The following FRMD4A variants were observed in gnomAD, a reference collection of about 807,000 sequenced individuals.
FRMD4A encodes FERM domain-containing protein 4A.
In FRMD4A, 29 loss-of-function variants were observed where a neutral mutation model predicts 129.1. That is an observed-to-expected ratio of 0.22 (90% CI 0.17 to 0.31). The LOEUF (loss-of-function observed/expected upper bound fraction) is 0.31, where lower values mean the gene tolerates loss of function less well. Among genes scored for constraint, FRMD4A ranks in the 10% least tolerant of loss-of-function variants. The pLI is 1.00. For missense variants in FRMD4A, 1,272 were observed against 1,375.8 expected (o/e 0.92, Z 1.19); for synonymous variants, 634 against 571.6 (o/e 1.11, Z -1.56).
chr10:13,679,474 T>TATATATATATACACACACACACAC (rs1308155926), intron 15 of FRMD4A, among the ~76,000 whole-genome samples: 3 of 31,468 alleles, frequency 9.5e-5, no homozygotes, highest in African/African-American at 4.0e-4. Flanking sequence ...TATATATATA[T>TATATATATATACACACACACACAC]ACACACACAC....
At chr10:14,232,466 G>T (rs1320394446) in intron 2 of FRMD4A, among the ~76,000 whole-genome samples, 1 of 152,186 alleles carries the variant, frequency 6.6e-6, no homozygotes, top group Non-Finnish European at 1.5e-5. Flanking sequence ...ATTCTGTGAA[G>T]AATGTCATTT....
At chr10:13,862,461 C>T (rs948116630) in intron 2 of FRMD4A, among the ~76,000 whole-genome samples, 2 of 152,218 alleles carry the variant, frequency 1.3e-5, no homozygotes, top group East Asian at 1.9e-4. Context: ...TTACATAAAA[C>T]AATCTCACCT....
At chr10:14,330,268 G>C in intron 1 of FRMD4A, 85 bp from the exon 2 acceptor site, 1 of 653,950 alleles carries the variant, frequency 1.5e-6, no homozygotes, top group South Asian at 1.8e-5. Context: ...GGGTGGGGAG[G>C]AGGTCAGGGA....
intron 24 of FRMD4A, among the ~76,000 whole-genome samples, chr10:13,650,005 C>G (rs2081421641): frequency 6.6e-6 from 1 of 152,264 alleles, no homozygotes. Flanking sequence ...GTGGTGACTT[C>G]AGAATCTGTG....
chr10:13,868,772 C>T (rs1819313376), intron 2 of FRMD4A, among the ~76,000 whole-genome samples: 2 of 152,100 alleles, frequency 1.3e-5, no homozygotes, highest in African/African-American at 4.8e-5. Context: ...GCACTCCCGC[C>T]TGGGCAACCG....
chr10:13,693,418 G>T, intron 15 of FRMD4A: 1 of 687,626 alleles, frequency 1.5e-6, no homozygotes, highest in Non-Finnish European at 1.9e-6. Context: ...ACTGAATGGA[G>T]AAATCATGCC....
At chr10:14,144,983 C>T (rs948740311) in intron 2 of FRMD4A, among the ~76,000 whole-genome samples, 3 of 152,050 alleles carry the variant, frequency 2.0e-5, no homozygotes, top group Admixed American at 6.6e-5. Flanking sequence ...TTGACTGATG[C>T]CTGGTGGAAC....
At chr10:13,998,887 T>C (rs186505489) in intron 2 of FRMD4A, among the ~76,000 whole-genome samples, 67 of 152,330 alleles carry the variant, frequency 4.4e-4, no homozygotes, top group African/African-American at 1.5e-3. Context: ...TTTCAGCCCC[T>C]GATCCCCTGA....
At chr10:14,131,409 G>A (rs867422098) in intron 2 of FRMD4A, among the ~76,000 whole-genome samples, 6 of 148,396 alleles carry the variant, frequency 4.0e-5, no homozygotes, top group Middle Eastern at 3.5e-3. Context: ...CCCCCCGGCC[G>A]CCCTGTTGTC....
chr10:13,725,744 C>G (rs574459531), intron 12 of FRMD4A, among the ~76,000 whole-genome samples: 1 of 152,302 alleles, frequency 6.6e-6, no homozygotes, highest in Non-Finnish European at 1.5e-5. Flanking sequence ...AAAAAATAAC[C>G]CTCTTCACAA....
chr10:13,677,913 T>C (rs1000686518), intron 15 of FRMD4A, among the ~76,000 whole-genome samples: 6 of 152,240 alleles, frequency 3.9e-5, no homozygotes, highest in Non-Finnish European at 8.8e-5. Context: ...AAAGGATTTC[T>C]AGCTCAAGTG....
chr10:13,749,729 C>T (rs186345839), intron 8 of FRMD4A, among the ~76,000 whole-genome samples: 10 of 152,210 alleles, frequency 6.6e-5, no homozygotes, highest in African/African-American at 2.4e-4. Flanking sequence ...TGGCTCATGC[C>T]TATAATCCCA....
intron 6 of FRMD4A, among the ~76,000 whole-genome samples, chr10:13,780,829 C>T (rs1423869607): frequency 6.6e-6 from 1 of 152,162 alleles, no homozygotes; most frequent in African/African-American, 2.4e-5. Flanking sequence ...GGCAATACCA[C>T]CTATAGGTAT....
chr10:14,230,090 T>C (rs909448982), intron 2 of FRMD4A, among the ~76,000 whole-genome samples: 1 of 152,212 alleles, frequency 6.6e-6, no homozygotes, highest in African/African-American at 2.4e-5. Context: ...TACCCATCTT[T>C]CTAATGACAG....
intron 2 of FRMD4A, among the ~76,000 whole-genome samples, chr10:14,076,899 G>T (rs530095434): frequency 6.6e-6 from 1 of 152,324 alleles, no homozygotes; most frequent in East Asian, 1.9e-4. Context: ...ACAAGTCAGG[G>T]AGTTGGAGGG....
intron 2 of FRMD4A, among the ~76,000 whole-genome samples, chr10:14,101,469 T>C (rs912445497): frequency 2.0e-5 from 3 of 152,324 alleles, no homozygotes; most frequent in Admixed American, 1.3e-4. Context: ...TCCACGGACA[T>C]TCATTTATGC....
chr10:13,936,641 A>C (rs1589332609), intron 2 of FRMD4A, among the ~76,000 whole-genome samples: 1 of 152,012 alleles, frequency 6.6e-6, no homozygotes, highest in South Asian at 2.1e-4. Flanking sequence ...CACCAAATCT[A>C]CCCCCACCTT....
chr10:14,168,004 C>T (rs1431539488), intron 2 of FRMD4A, among the ~76,000 whole-genome samples: 4 of 152,144 alleles, frequency 2.6e-5, no homozygotes, highest in Admixed American at 1.3e-4. Flanking sequence ...TTCAGTGAGT[C>T]GGGATTTCTG....
intron 2 of FRMD4A, among the ~76,000 whole-genome samples, chr10:13,899,655 C>T (rs566437710): frequency 6.6e-6 from 1 of 152,234 alleles, no homozygotes; most frequent in South Asian, 2.1e-4. Flanking sequence ...AGAGCGAGAC[C>T]CTGTCTCTAT....
Sources: allele counts gnomAD v4.1 joint callset (sites outside exome capture counted in the v4.1 genomes callset), GRCh38; gene constraint gnomAD v4.1.1; transcripts MANE v1.5; gene names NCBI Gene and HGNC (gene_info 2026-07-23, HGNC 2026-07-21).